PTPRT: variants seen among roughly 807,000 people sequenced by gnomAD.
The protein encoded by PTPRT is receptor-type tyrosine-protein phosphatase T.
PTPRT carries 56 observed loss-of-function variants against 176.8 expected under a neutral mutation model. That is an observed-to-expected ratio of 0.32 (90% CI 0.26 to 0.40). The LOEUF (loss-of-function observed/expected upper bound fraction) is 0.40. Among genes scored for constraint, PTPRT ranks in the 10% least tolerant of loss-of-function variants. The pLI, the probability that PTPRT is intolerant of heterozygous loss-of-function variation, is 1.00. For synonymous variants in PTPRT, 783 were observed against 739.0 expected (o/e 1.06, Z -0.96); for missense variants, 1,540 against 1,908.2 (o/e 0.81, Z 3.60).
intron 6 of PTPRT, among the ~76,000 whole-genome samples, chr20:42,741,144 T>G (rs182792233): frequency 6.6e-6 from 1 of 152,154 alleles, no homozygotes; most frequent in African/African-American, 2.4e-5. Flanking sequence ...GAAGTGACCA[T>G]AGAAGAAACC....
At chr20:43,031,728 A>G (rs758106729) in intron 1 of PTPRT, among the ~76,000 whole-genome samples, 3 of 152,162 alleles carry the variant, frequency 2.0e-5, no homozygotes, top group Non-Finnish European at 4.4e-5. Context: ...AGGTATGAAT[A>G]TCTCTATACA....
intron 22 of PTPRT, among the ~76,000 whole-genome samples, chr20:42,114,325 T>C (rs1987162934): frequency 1.3e-5 from 2 of 152,210 alleles, no homozygotes; most frequent in African/African-American, 2.4e-5. Context: ...ATAGGGTTAT[T>C]GGGAGGATTA....
At position 42,701,261 on chromosome 20, in the gene PTPRT, T is replaced by C. The variant is rs190347726; in HGVS notation, c.860-23102A>G. On this transcript the variant is annotated intron_variant, in intron 6 of 30. Coordinates refer to ENST00000373187, the MANE Select transcript of PTPRT (RefSeq NM_007050.6). The stretch of plus-strand genomic sequence containing the variant: ...TCATTCCTGCTCATTCTGGAGAAAA[T>C]CCTGGAACTGCAAGGTAAGTTATCC... 3.9e-5 allele frequency among the ~76,000 whole-genome samples: 6 copies of C among 152,216 alleles called. No homozygotes were observed. The East Asian group carries it at 9.6e-4, about 24-fold the overall frequency.
At chr20:42,245,759 G>C (rs1379669255) in intron 14 of PTPRT, among the ~76,000 whole-genome samples, 1 of 152,188 alleles carries the variant, frequency 6.6e-6, no homozygotes, top group Non-Finnish European at 1.5e-5. Flanking sequence ...CCTTCAGAGG[G>C]AGAAGCTGGG....
intron 1 of PTPRT, among the ~76,000 whole-genome samples, chr20:43,163,358 G>A (rs1033050135): frequency 6.6e-6 from 1 of 152,144 alleles, no homozygotes; most frequent in African/African-American, 2.4e-5. Flanking sequence ...AACAGGCTGG[G>A]CCAGGCGCGG....
intron 9 of PTPRT, among the ~76,000 whole-genome samples, chr20:42,430,712 G>C (rs2059209247): frequency 6.6e-6 from 1 of 152,214 alleles, no homozygotes; most frequent in Non-Finnish European, 1.5e-5. Context: ...AAAGGGGAAA[G>C]GGAGTGAACA....
rs772557274 is a variant in PTPRT, at chr20:42,791,260, C to T, written c.421G>A (p.Val141Ile). 2 of 1,613,952 alleles carry T rather than the reference C, an allele frequency of 1.2e-6. No homozygotes were observed. Among genetic ancestry groups the T allele is most frequent in the East Asian group, 4.5e-5 (2 of 44,894 alleles). The change falls in exon 3 of 31, where the codon GTC (valine) becomes ATC (isoleucine). Residue 141 changes from valine to isoleucine, a missense_variant. Around this residue, in one of 11 missense-constraint regions of PTPRT, gnomAD observed 273 missense variants for 432.1 expected, o/e 0.63. Coordinates refer to ENST00000373187, the MANE Select transcript of PTPRT (RefSeq NM_007050.6). ...QGNPVWNVSG[V>I]VTEGWVKAEL... is the part of the protein sequence containing the mutation. ...GCCTTCACCCAGCCCTCAGTGACGA[C>T]CCCGGACACATTCCACACAGGGTTC... is the stretch of plus-strand genomic sequence containing the variant.
intron 1 of PTPRT, among the ~76,000 whole-genome samples, chr20:43,083,324 A>ATG (rs2011495497): frequency 2.1e-5 from 1 of 46,958 alleles, no homozygotes; most frequent in Admixed American, 2.6e-4. Flanking sequence ...TCAAATGTAT[A>ATG]TATATATATA....
intron 30 of PTPRT, among the ~76,000 whole-genome samples, chr20:42,081,232 T>A (rs1983301128): frequency 6.6e-6 from 1 of 152,198 alleles, no homozygotes; most frequent in Non-Finnish European, 1.5e-5. Flanking sequence ...GAAATCTTTT[T>A]AAAATGCACA....
At chr20:42,984,982 G>A (rs1039013632) in intron 1 of PTPRT, among the ~76,000 whole-genome samples, 1 of 152,166 alleles carries the variant, frequency 6.6e-6, no homozygotes, top group Non-Finnish European at 1.5e-5. Flanking sequence ...AAGACAGTGG[G>A]GTAAGACAGC....
At chr20:42,856,292 C>A (rs1424044140) in intron 2 of PTPRT, among the ~76,000 whole-genome samples, 2 of 152,046 alleles carry the variant, frequency 1.3e-5, no homozygotes, top group Non-Finnish European at 2.9e-5. Context: ...TTCAGCATTA[C>A]CAATTTGGAT....
intron 5 of PTPRT, among the ~76,000 whole-genome samples, chr20:42,771,070 T>A (rs777657619): frequency 1.3e-5 from 2 of 152,216 alleles, no homozygotes; most frequent in Non-Finnish European, 1.5e-5. Flanking sequence ...TAGCCCAAGC[T>A]GCCCCATTTC....
intron 1 of PTPRT, among the ~76,000 whole-genome samples, chr20:42,941,543 A>C (rs1980552007): frequency 6.6e-6 from 1 of 152,190 alleles, no homozygotes; most frequent in African/African-American, 2.4e-5. Flanking sequence ...TCATTCACAA[A>C]TAGTCCTTCT....
intron 1 of PTPRT, among the ~76,000 whole-genome samples, chr20:42,978,668 T>A (rs182243873): frequency 1.5e-3 from 228 of 152,204 alleles, no homozygotes; most frequent in African/African-American, 5.3e-3. Flanking sequence ...ATAAAGACCA[T>A]CCTGATAAAA....
chr20:42,521,321 C>T (rs2072172325), intron 7 of PTPRT, among the ~76,000 whole-genome samples: 2 of 152,132 alleles, frequency 1.3e-5, no homozygotes, highest in South Asian at 2.1e-4. Flanking sequence ...CTTTCTTCTT[C>T]ACCAAGAATC....
chr20:42,761,644 G>C (rs1313633695), intron 5 of PTPRT, among the ~76,000 whole-genome samples: 1 of 152,170 alleles, frequency 6.6e-6, no homozygotes, highest in Non-Finnish European at 1.5e-5. Context: ...GCAGAGAGCG[G>C]TCAAGCAATA....
chr20:42,101,967 G>C (rs1985982048), intron 26 of PTPRT, among the ~76,000 whole-genome samples, 157 bp downstream of exon 26: 1 of 152,188 alleles, frequency 6.6e-6, no homozygotes, highest in African/African-American at 2.4e-5. Context: ...GTTTGGACCA[G>C]AGCCTGCAGG....
At position 42,248,783 on chromosome 20, in the gene PTPRT, T is replaced by C; in HGVS notation, c.2216A>G (p.Lys739Arg). The change falls in exon 14 of 31, where the codon AAG becomes AGG. Residue 739 changes from lysine to arginine, a missense_variant. By Grantham distance (26) the Lys-to-Arg change is conservative. Transcript: ENST00000373187. Reference sequence around the variant, plus strand: ...CATCTTCACGGTGTTGTCCACCTGCTTCTCTGGCTCCACAGTGTTAGAATT... The same window carrying C: ...CATCTTCACGGTGTTGTCCACCTGCCTCTCTGGCTCCACAGTGTTAGAATT... ...TQNSNTVEPE[K>R]QVDNTVKMAG... 6.2e-7 allele frequency: 1 copy of C among 1,614,062 alleles called. No individual in the cohort carries two copies. The highest frequency in any genetic ancestry group is 8.5e-7 in the Non-Finnish European group (1 of 1,179,978).
chr20:42,808,987 G>A (rs2077655831), intron 2 of PTPRT, among the ~76,000 whole-genome samples: 1 of 152,174 alleles, frequency 6.6e-6, no homozygotes, highest in Non-Finnish European at 1.5e-5. Context: ...ATCTCACTGG[G>A]ACCCTGCAGG....
Sources: gnomAD v4.1 joint callset for allele counts (sites outside exome capture counted in the v4.1 genomes callset) on GRCh38, gnomAD v4.1.1 for gene constraint, gnomAD v4.1.1 regional missense constraint, MANE v1.5 for transcripts, NCBI Gene and HGNC (gene_info 2026-07-23, HGNC 2026-07-21) for gene names.